TBCK: variants seen among roughly 807,000 people sequenced by gnomAD.
TBCK encodes TBC domain-containing protein kinase-like protein.
A neutral mutation model predicts 113.4 loss-of-function variants in TBCK; 99 were observed. That is an observed-to-expected ratio of 0.87 (90% CI 0.74 to 1.03). The LOEUF is 1.03. Among genes scored for constraint, TBCK ranks in the 50% least tolerant of loss-of-function variants. The pLI, the probability that TBCK is intolerant of heterozygous loss-of-function variation, is 0.00. For synonymous variants in TBCK, 369 were observed against 370.8 expected, an observed-to-expected ratio of 1.00 and a Z score of 0.05; for missense variants, 1,045 against 1,061.3, an observed-to-expected ratio of 0.98 and a Z score of 0.21.
chr4:106,066,747 T>C (rs989120807), intron 25 of TBCK, among the ~76,000 whole-genome samples: 14 of 152,026 alleles, frequency 9.2e-5, no homozygotes, highest in African/African-American at 3.4e-4. Flanking sequence ...TGCTGATTGT[T>C]GATATTTTAT....
chr4:106,069,981 C>T (rs1051306027), intron 25 of TBCK, among the ~76,000 whole-genome samples: 9 of 152,230 alleles, frequency 5.9e-5, no homozygotes, highest in East Asian at 5.8e-4. Context: ...GATTTTTGCA[C>T]ATTGATTTTG....
chr4:106,123,041 G>C (rs1744650592), intron 23 of TBCK, among the ~76,000 whole-genome samples: 1 of 152,180 alleles, frequency 6.6e-6, no homozygotes, highest in Non-Finnish European at 1.5e-5. Flanking sequence ...TTAGGCAGGA[G>C]AAAGAAATAA....
chr4:106,232,908 C>G (rs749406898), intron 17 of TBCK, 30 bp downstream of exon 17: 1 of 1,596,496 alleles, frequency 6.3e-7, no homozygotes, highest in South Asian at 1.1e-5. Context: ...TCTAATACTC[C>G]AGAGGAGTTT....
intron 25 of TBCK, among the ~76,000 whole-genome samples, chr4:106,080,127 A>G (rs764754085): frequency 4.6e-5 from 7 of 152,358 alleles, no homozygotes; most frequent in Non-Finnish European, 7.3e-5. Flanking sequence ...TACAGATTCA[A>G]CATTATTCCT....
rs537743988 is a variant in TBCK at position 106,162,174 on chromosome 4, C to G, written c.2235+8921G>C. On this transcript the variant is annotated intron_variant, in intron 23 of 25. Coordinates refer to ENST00000394708, the MANE Select transcript of TBCK (RefSeq NM_001163435.3). ...ACAGGGCTACAGGCCTCATGCAAGT[C>G]CAAAATTCAGCAGGGCAGCCAGATC... 3.3e-5 allele frequency among the ~76,000 whole-genome samples: 5 copies of G among 152,258 alleles called. No homozygotes were observed. In the South Asian group the frequency reaches 6.2e-4, roughly 19 times the overall value.
chr4:106,288,943 T>C (rs530238625), intron 3 of TBCK, among the ~76,000 whole-genome samples: 2 of 152,312 alleles, frequency 1.3e-5, no homozygotes, highest in African/African-American at 4.8e-5. Context: ...ATAAATGAAG[T>C]TCGTGTTTAC....
intron 25 of TBCK, among the ~76,000 whole-genome samples, chr4:106,066,460 G>A (rs928132765): frequency 6.6e-6 from 1 of 151,736 alleles, no homozygotes; most frequent in Non-Finnish European, 1.5e-5. Context: ...TCAGATAAGC[G>A]GGTGATATTA....
chr4:106,289,533 G>A (rs2125822852), intron 3 of TBCK, among the ~76,000 whole-genome samples: 1 of 152,180 alleles, frequency 6.6e-6, no homozygotes, highest in African/African-American at 2.4e-5. Flanking sequence ...CACTTTGAGA[G>A]GCTGAGGCGG....
At chr4:106,100,761 T>A (rs1021018461) in intron 24 of TBCK, among the ~76,000 whole-genome samples, 4 of 152,216 alleles carry the variant, frequency 2.6e-5, no homozygotes, top group African/African-American at 9.6e-5. Context: ...TCTTAGCATG[T>A]TATGAGACAT....
At chr4:106,169,560 T>A (rs1305965193) in intron 23 of TBCK, among the ~76,000 whole-genome samples, 1 of 152,090 alleles carries the variant, frequency 6.6e-6, no homozygotes, top group East Asian at 1.9e-4. Flanking sequence ...TTTCAAGCTA[T>A]CTTACAGGTC....
chr4:106,187,233 T>G (rs1315635017), intron 22 of TBCK, among the ~76,000 whole-genome samples: 1 of 152,058 alleles, frequency 6.6e-6, no homozygotes, highest in African/African-American at 2.4e-5. Context: ...TCTTTTTTGG[T>G]TCCATATAAA....
At chr4:106,242,686 A>G (rs1166319947) in intron 11 of TBCK, 117 bp from the exon 12 acceptor site, 1 of 575,582 alleles carries the variant, frequency 1.7e-6, no homozygotes, top group South Asian at 2.5e-5. Context: ...TAAACTTTAG[A>G]CTGGATGTTT....
intron 3 of TBCK, among the ~76,000 whole-genome samples, chr4:106,267,491 T>G (rs954879356): frequency 2.0e-5 from 3 of 152,046 alleles, no homozygotes; most frequent in African/African-American, 4.8e-5. Flanking sequence ...ATATAAGCAA[T>G]TAACTAAGCA....
intron 23 of TBCK, among the ~76,000 whole-genome samples, chr4:106,161,266 T>A (rs1220721193): frequency 6.6e-6 from 1 of 152,144 alleles, no homozygotes; most frequent in Non-Finnish European, 1.5e-5. Flanking sequence ...TAAATGCATA[T>A]ATATTTAACT....
At chr4:106,265,614 A>G (rs1762927839) in intron 3 of TBCK, among the ~76,000 whole-genome samples, 1 of 151,782 alleles carries the variant, frequency 6.6e-6, no homozygotes, top group Non-Finnish European at 1.5e-5. Context: ...CATTTCTATT[A>G]TGTCCTCTAG....
chr4:106,103,558 G>A (rs1414111013), intron 24 of TBCK, among the ~76,000 whole-genome samples: 3 of 152,196 alleles, frequency 2.0e-5, no homozygotes, highest in African/African-American at 7.2e-5. Context: ...CCTTGGGAAA[G>A]TTGCTTAACC....
intron 20 of TBCK, among the ~76,000 whole-genome samples, chr4:106,209,436 CCTCT>C (rs1198071550): frequency 6.6e-6 from 1 of 152,006 alleles, no homozygotes; most frequent in Non-Finnish European, 1.5e-5. Context: ...GAATTTCAAT[CCTCT>C]CTTTTTAAAT....
intron 23 of TBCK, among the ~76,000 whole-genome samples, chr4:106,161,831 C>G (rs924697780): frequency 6.6e-6 from 1 of 151,902 alleles, no homozygotes; most frequent in Non-Finnish European, 1.5e-5. Flanking sequence ...CTGTAGGATG[C>G]AAGTATGAAA....
chr4:106,273,901 C>T (rs1255984570), intron 3 of TBCK, among the ~76,000 whole-genome samples: 2 of 152,198 alleles, frequency 1.3e-5, no homozygotes, highest in African/African-American at 4.8e-5. Context: ...CCATAGAAAA[C>T]TAATAAAATG....
Sources: allele counts gnomAD v4.1 joint callset (sites outside exome capture counted in the v4.1 genomes callset), GRCh38; gene constraint gnomAD v4.1.1; transcripts MANE v1.5; gene names NCBI Gene and HGNC (gene_info 2026-07-23, HGNC 2026-07-21).